PHACTR1: variants seen among roughly 807,000 people sequenced by gnomAD.
The protein encoded by PHACTR1 is RPEL repeat containing 1.
PHACTR1 carries 16 observed loss-of-function variants against 69.2 expected under a neutral mutation model. The ratio of observed to expected loss-of-function variants is 0.23; its 90% CI spans 0.16 to 0.35. PHACTR1 has a LOEUF of 0.35. Among genes scored for constraint, PHACTR1 ranks in the 10% least tolerant of loss-of-function variants. PHACTR1 has a pLI of 1.00. For missense variants in PHACTR1, 510 were observed against 734.7 expected, an observed-to-expected ratio of 0.69 and a Z score of 3.54; for synonymous variants, 312 against 284.5, an observed-to-expected ratio of 1.10 and a Z score of -0.97.
rs1014410003 is a variant in PHACTR1 at position 12,777,249 on chromosome 6, A to T, written c.250+27459A>T. 7.0e-4 allele frequency among the ~76,000 whole-genome samples: 100 copies of T among 143,712 alleles called. 1 individual carries two copies. The highest frequency in any genetic ancestry group is 1.1e-3 in the Non-Finnish European group (72 of 64,894). The allele number at this position is 143,712 out of a possible 152,430, so 94.3% of individuals were successfully genotyped here. On this transcript the variant is annotated intron_variant, in intron 4 of 14. Coordinates refer to ENST00000332995, the MANE Select transcript of PHACTR1 (RefSeq NM_030948.6). ...TATATATATATATATATATTTTTTT[A>T]ATTTTTATTTTAGGTTCAGGGGTAC...
intron 4 of PHACTR1, among the ~76,000 whole-genome samples, chr6:12,928,332 C>T (rs564572656): frequency 7.0e-4 from 106 of 152,232 alleles, no homozygotes; most frequent in African/African-American, 2.4e-3. Flanking sequence ...GGCTGCTGAA[C>T]GAAACCCCTC....
At chr6:13,082,130 C>T (rs569768577) in intron 5 of PHACTR1, among the ~76,000 whole-genome samples, 1 of 152,248 alleles carries the variant, frequency 6.6e-6, no homozygotes, top group East Asian at 1.9e-4. Context: ...CTCTCTCATA[C>T]ACTCCATGTT....
chr6:13,073,584 T>C (rs989404942), intron 5 of PHACTR1, among the ~76,000 whole-genome samples: 8 of 151,730 alleles, frequency 5.3e-5, no homozygotes, highest in African/African-American at 1.9e-4. Flanking sequence ...CCTTGTGATC[T>C]GCCCGCTTCA....
intron 3 of PHACTR1, among the ~76,000 whole-genome samples, chr6:12,737,598 C>CTTTCT (rs539386476): frequency 2.8e-5 from 4 of 142,954 alleles, no homozygotes; most frequent in Non-Finnish European, 4.6e-5. Flanking sequence ...TTCTTTCTTT[C>CTTTCT]TTTTTTTTTT....
intron 4 of PHACTR1, among the ~76,000 whole-genome samples, chr6:12,893,617 C>T (rs1784362704): frequency 6.6e-6 from 1 of 152,144 alleles, no homozygotes; most frequent in Non-Finnish European, 1.5e-5. Context: ...AGACTGATCA[C>T]ACTATTATTA....
At chr6:13,064,460 G>A (rs1808180684) in intron 5 of PHACTR1, among the ~76,000 whole-genome samples, 1 of 149,146 alleles carries the variant, frequency 6.7e-6, no homozygotes, top group Non-Finnish European at 1.5e-5. Flanking sequence ...TGGCAATGCA[G>A]ATATAATAAG....
chr6:12,957,593 C>G (rs4236093), intron 4 of PHACTR1: 187,686 of 985,384 alleles, frequency 0.19, 23,190 homozygotes, highest in African/African-American at 0.59. Context: ...ACTTTAGAGA[C>G]GTCTGAGTAC....
At chr6:12,922,849 A>G (rs1412365726) in intron 4 of PHACTR1, among the ~76,000 whole-genome samples, 2 of 152,156 alleles carry the variant, frequency 1.3e-5, no homozygotes, top group Non-Finnish European at 2.9e-5. Context: ...TAAGATTGGC[A>G]TTGCCTTTGG....
chr6:13,283,787 C>T lies in PHACTR1; in HGVS notation c.1650+225C>T. ...GGCACATAATACTGTGCCCATTTTA[C>T]AGGAGGAGGAGCAGCAGCCTGGGAG... On this transcript the variant is annotated intron_variant, in intron 13 of 14. Coordinates refer to ENST00000332995, the MANE Select transcript of PHACTR1 (RefSeq NM_030948.6). The surrounding 1 kb of genome is among the most constrained non-coding windows in gnomAD (Gnocchi z 4.7). 2 of 594,740 alleles carry T rather than the reference C, an allele frequency of 3.4e-6. No individual in the cohort carries two copies. Among genetic ancestry groups the T allele is most frequent in the South Asian group, 2.0e-5 (1 of 51,126 alleles). The allele number at this position is 594,740 out of a possible 1,614,324, so 36.8% of individuals were successfully genotyped here.
At chr6:13,126,476 A>G (rs1819541954) in intron 5 of PHACTR1, among the ~76,000 whole-genome samples, 1 of 152,238 alleles carries the variant, frequency 6.6e-6, no homozygotes, top group South Asian at 2.1e-4. Context: ...GTTTGCATCA[A>G]GAGACCAAAC....
At chr6:12,966,656 T>C (rs914454544) in intron 4 of PHACTR1, among the ~76,000 whole-genome samples, 8 of 152,348 alleles carry the variant, frequency 5.3e-5, no homozygotes, top group African/African-American at 1.9e-4. Context: ...TCTTCTCTTC[T>C]GGCCTTTAGG....
At chr6:12,977,314 G>A (rs186956200) in intron 4 of PHACTR1, among the ~76,000 whole-genome samples, 2 of 152,128 alleles carry the variant, frequency 1.3e-5, no homozygotes, top group Admixed American at 1.3e-4. Flanking sequence ...CTGCAGATAA[G>A]GAGGGACGGC....
rs1780898267 is a variant in PHACTR1 at position 13,283,970 on chromosome 6, C to T, written c.1650+408C>T. ...AGAGAAGACAAAGTAGACGCATAAC[C>T]CCAGGAGGGAAATAGGGCATAAATC... On this transcript the variant is annotated intron_variant, in intron 13 of 14. Coordinates refer to ENST00000332995, the MANE Select transcript of PHACTR1 (RefSeq NM_030948.6). The surrounding 1 kb of genome is among the most constrained non-coding windows in gnomAD (Gnocchi z 4.7). 5.3e-6 allele frequency: 1 copy of T among 190,374 alleles called. No homozygotes were observed. Among genetic ancestry groups the T allele is most frequent in the African/African-American group, 2.3e-5 (1 of 43,006 alleles). The allele number at this position is 190,374 out of a possible 1,614,324, so 11.8% of individuals were successfully genotyped here.
intron 4 of PHACTR1, among the ~76,000 whole-genome samples, chr6:12,857,017 AT>A (rs1388707644): frequency 6.6e-6 from 1 of 152,186 alleles, no homozygotes; most frequent in Non-Finnish European, 1.5e-5. Context: ...TTTGAGGAAT[AT>A]TGTGTTTCAG....
At chr6:13,218,873 G>GAAGAGAAGAGAAGAGAA (rs1323936690) in intron 8 of PHACTR1, among the ~76,000 whole-genome samples, 1 of 17,678 alleles carries the variant, frequency 5.7e-5, no homozygotes, top group African/African-American at 1.7e-4. Flanking sequence ...GAAGAGAAGA[G>GAAGAGAAGAGAAGAGAA]AAGAGAAGAG....
At chr6:12,881,614 C>T (rs987957296) in intron 4 of PHACTR1, among the ~76,000 whole-genome samples, 1 of 152,076 alleles carries the variant, frequency 6.6e-6, no homozygotes, top group African/African-American at 2.4e-5. Flanking sequence ...AATTTGTTTA[C>T]TTCATAACGT....
intron 4 of PHACTR1, among the ~76,000 whole-genome samples, chr6:13,005,383 CT>C (rs1798666582): frequency 1.3e-5 from 2 of 151,968 alleles, no homozygotes; most frequent in South Asian, 4.1e-4. Flanking sequence ...TATTGCTGTC[CT>C]ACCCTTAAGC....
intron 4 of PHACTR1, among the ~76,000 whole-genome samples, chr6:12,902,741 A>G (rs550715180): frequency 2.0e-5 from 3 of 152,352 alleles, no homozygotes; most frequent in African/African-American, 7.2e-5. Context: ...CAATACATTC[A>G]TCAATATATG....
At chr6:12,860,196 G>A (rs531504550) in intron 4 of PHACTR1, among the ~76,000 whole-genome samples, 14 of 151,800 alleles carry the variant, frequency 9.2e-5, no homozygotes, top group African/African-American at 1.5e-4. Context: ...TATTCCCCTC[G>A]GTGCCCATAT....
Sources: allele counts gnomAD v4.1 joint callset (sites outside exome capture counted in the v4.1 genomes callset), GRCh38; gene constraint gnomAD v4.1.1; non-coding constraint Gnocchi (gnomAD v3.1); transcripts MANE v1.5; gene names NCBI Gene and HGNC (gene_info 2026-07-23, HGNC 2026-07-21).